DCDC2C: variants seen among roughly 807,000 people sequenced by gnomAD.
DCDC2C encodes doublecortin domain-containing protein 2C.
In DCDC2C, 44 loss-of-function variants were observed where a neutral mutation model predicts 45.0. That is an observed-to-expected ratio of 0.98 (90% confidence interval 0.77 to 1.26). The LOEUF (loss-of-function observed/expected upper bound fraction) is 1.26. Among genes scored for constraint, DCDC2C ranks in the 50% most tolerant of loss-of-function variants. DCDC2C has a pLI of 0.00. For synonymous variants in DCDC2C, 187 were observed against 178.8 expected (o/e 1.05, Z -0.37); for missense variants, 447 against 468.9 (o/e 0.95, Z 0.43).
chr2:3,716,948 G>A (rs1221678454), intron 2 of DCDC2C, among the ~76,000 whole-genome samples: 2 of 152,156 alleles, frequency 1.3e-5, no homozygotes, highest in African/African-American at 4.8e-5. Flanking sequence ...ATCAGGTGGT[G>A]AACATTTGGG....
chr2:3,707,312 T>C (rs1034532035), intron 1 of DCDC2C, among the ~76,000 whole-genome samples: 12 of 152,232 alleles, frequency 7.9e-5, no homozygotes, highest in African/African-American at 2.4e-4. Context: ...TTTGGTTCCA[T>C]GTAATGAAAA....
chr2:3,839,691 T>C (rs979422911), intron 10 of DCDC2C, among the ~76,000 whole-genome samples: 2 of 152,330 alleles, frequency 1.3e-5, no homozygotes, highest in Admixed American at 6.5e-5. Flanking sequence ...CAGTTTAATC[T>C]CTCCAACCAG....
intron 10 of DCDC2C, among the ~76,000 whole-genome samples, chr2:3,843,921 T>C (rs1672270397): frequency 6.6e-6 from 1 of 152,204 alleles, no homozygotes; most frequent in East Asian, 1.9e-4. Flanking sequence ...TAATACCCTA[T>C]GTGAAAAGTA....
intron 4 of DCDC2C, among the ~76,000 whole-genome samples, chr2:3,748,933 C>T (rs1397275852): frequency 6.6e-6 from 1 of 152,132 alleles, no homozygotes; most frequent in Non-Finnish European, 1.5e-5. Context: ...TCAGGGTACC[C>T]AGTGAGACCC....
At chr2:3,788,411 A>C (rs1670710573) in intron 10 of DCDC2C, 1 of 152,152 alleles carries the variant, frequency 6.6e-6, no homozygotes, top group African/African-American at 2.4e-5. Context: ...ACCATAGATT[A>C]TAATATGAAC....
chr2:3,718,488 A>G (rs1432106575), intron 2 of DCDC2C, among the ~76,000 whole-genome samples: 3 of 152,112 alleles, frequency 2.0e-5, no homozygotes, highest in African/African-American at 4.8e-5. Flanking sequence ...TGTTTCTATC[A>G]ATGAGATTCA....
chr2:3,738,928 A>C (rs1033315867), intron 3 of DCDC2C, among the ~76,000 whole-genome samples: 1 of 152,198 alleles, frequency 6.6e-6, no homozygotes, highest in African/African-American at 2.4e-5. Flanking sequence ...TCATTCAGCT[A>C]CCTGGAAGAT....
At chr2:3,823,966 G>A (rs937521272) in intron 10 of DCDC2C, among the ~76,000 whole-genome samples, 11 of 152,230 alleles carry the variant, frequency 7.2e-5, no homozygotes, top group African/African-American at 2.7e-4. Flanking sequence ...CTGTGCTGCT[G>A]TAGTGAGGAA....
intron 10 of DCDC2C, among the ~76,000 whole-genome samples, chr2:3,793,375 T>C (rs1670874782): frequency 6.6e-6 from 1 of 152,250 alleles, no homozygotes; most frequent in African/African-American, 2.4e-5. Flanking sequence ...ATCGGAAGCC[T>C]GTGCAGCATT....
At chr2:3,839,713 G>A (rs549675050) in intron 10 of DCDC2C, among the ~76,000 whole-genome samples, 3 of 152,258 alleles carry the variant, frequency 2.0e-5, no homozygotes, top group African/African-American at 7.2e-5. Flanking sequence ...TCTTCTGACG[G>A]CTTCTCGAAT....
At chr2:3,826,775 C>T (rs527654572) in intron 10 of DCDC2C, among the ~76,000 whole-genome samples, 1 of 152,146 alleles carries the variant, frequency 6.6e-6, no homozygotes, top group East Asian at 1.9e-4. Context: ...ACCTGCAGCC[C>T]CCATTAAAAA....
chr2:3,814,472 A>C (rs1029734772), intron 10 of DCDC2C, among the ~76,000 whole-genome samples: 5 of 152,180 alleles, frequency 3.3e-5, no homozygotes, highest in Non-Finnish European at 7.3e-5. Flanking sequence ...GAACATGCTC[A>C]GTGTAGTTTT....
intron 3 of DCDC2C, among the ~76,000 whole-genome samples, chr2:3,735,743 A>G (rs1167161330): frequency 1.3e-5 from 2 of 152,128 alleles, no homozygotes; most frequent in Non-Finnish European, 1.5e-5. Flanking sequence ...ACTGTGAAAT[A>G]CTGTGTGTTA....
chr2:3,742,634 A>G (rs1002550697), intron 4 of DCDC2C, among the ~76,000 whole-genome samples: 1 of 152,224 alleles, frequency 6.6e-6, no homozygotes, highest in South Asian at 2.1e-4. Flanking sequence ...TGGAAATGAT[A>G]ATAATACCTA....
chr2:3,788,742 C>T (rs1432645364), intron 10 of DCDC2C, among the ~76,000 whole-genome samples: 4 of 152,032 alleles, frequency 2.6e-5, no homozygotes, highest in East Asian at 1.9e-4. Flanking sequence ...AGCCTGTTAA[C>T]GTCCTTTGTT....
At chr2:3,742,954 G>A (rs538786011) in intron 4 of DCDC2C, among the ~76,000 whole-genome samples, 1 of 152,350 alleles carries the variant, frequency 6.6e-6, no homozygotes, top group East Asian at 1.9e-4. Context: ...ATGGACTGAA[G>A]GTGGCAGGTG....
At chr2:3,790,619 C>T (rs539137627) in intron 10 of DCDC2C, among the ~76,000 whole-genome samples, 1 of 152,274 alleles carries the variant, frequency 6.6e-6, no homozygotes, top group Admixed American at 6.5e-5. Context: ...AATTAATCGC[C>T]TGCCCAGTAT....
At chr2:3,739,289 G>T (rs958860978) in intron 3 of DCDC2C, among the ~76,000 whole-genome samples, 4 of 152,196 alleles carry the variant, frequency 2.6e-5, no homozygotes, top group Non-Finnish European at 4.4e-5. Context: ...AACTGCTGGG[G>T]ACAGGAGGGC....
intron 9 of DCDC2C, among the ~76,000 whole-genome samples, chr2:3,784,010 G>A (rs1362182939): frequency 6.6e-6 from 1 of 151,922 alleles, no homozygotes; most frequent in Non-Finnish European, 1.5e-5. Flanking sequence ...AAAAAGAAAG[G>A]CAAATAAGAC....
Sources: allele counts gnomAD v4.1 joint callset (sites outside exome capture counted in the v4.1 genomes callset), GRCh38; gene constraint gnomAD v4.1.1; transcripts MANE v1.5; gene names NCBI Gene and HGNC (gene_info 2026-07-23, HGNC 2026-07-21).